The following SORCS3 variants were observed in gnomAD, a reference collection of about 807,000 sequenced individuals.
SORCS3 encodes VPS10 domain-containing receptor SorCS3.
Under a neutral mutation model 146.3 loss-of-function variants are expected in SORCS3, and 57 were observed. That is an observed-to-expected ratio of 0.39 (90% CI 0.31 to 0.49). The LOEUF (loss-of-function observed/expected upper bound fraction) is 0.49. Among genes scored for constraint, SORCS3 ranks in the 20% least tolerant of loss-of-function variants. The probability of loss-of-function intolerance (pLI) is 0.92; values close to 1 mark genes in which losing one functional copy is unlikely to be tolerated. For missense variants in SORCS3, 1,341 were observed against 1,575.5 expected, an observed-to-expected ratio of 0.85 and a Z score of 2.52; for synonymous variants, 653 against 618.5, an observed-to-expected ratio of 1.06 and a Z score of -0.83.
At chr10:105,050,032 T>TAC (rs1336738558) in intron 5 of SORCS3, among the ~76,000 whole-genome samples, 1 of 135,406 alleles carries the variant, frequency 7.4e-6, no homozygotes, top group Non-Finnish European at 1.6e-5. Flanking sequence ...TGTATATATA[T>TAC]ACATACACAC....
At chr10:104,806,825 C>T (rs2017684026) in intron 1 of SORCS3, among the ~76,000 whole-genome samples, 1 of 152,110 alleles carries the variant, frequency 6.6e-6, no homozygotes, top group Non-Finnish European at 1.5e-5. Context: ...TTATGGGTGA[C>T]CTTTTCTTTC....
At chr10:104,813,465 C>CTCAGT (rs1296133505) in intron 1 of SORCS3, among the ~76,000 whole-genome samples, 1 of 152,160 alleles carries the variant, frequency 6.6e-6, no homozygotes, top group East Asian at 1.9e-4. Context: ...AATCTACATA[C>CTCAGT]TCAGTTCAGT....
chr10:104,991,551 G>A lies in SORCS3; in HGVS notation c.954+14058G>A, dbSNP rs1220173669. On this transcript the variant is annotated intron_variant, in intron 4 of 26. Coordinates refer to ENST00000369701, the MANE Select transcript of SORCS3 (RefSeq NM_014978.3). ...GAGTCTTGCTCTGTTGCCCAGGCTGGAGTGCAGTGGTGCGATCTTGGCTCA... is the reference window on the plus strand; with the variant it reads ...GAGTCTTGCTCTGTTGCCCAGGCTGAAGTGCAGTGGTGCGATCTTGGCTCA... 5.3e-5 allele frequency among the ~76,000 whole-genome samples: 8 copies of A among 150,382 alleles called. No individual in the cohort carries two copies. In the East Asian group the frequency reaches 1.6e-3, roughly 30 times the overall value.
intron 3 of SORCS3, among the ~76,000 whole-genome samples, chr10:104,947,145 C>T (rs956017186): frequency 1.3e-5 from 2 of 152,182 alleles, no homozygotes; most frequent in African/African-American, 2.4e-5. Flanking sequence ...ACTGCTCCAT[C>T]AATTTTTCTT....
chr10:105,110,068 C>G (rs748142780), intron 7 of SORCS3, among the ~76,000 whole-genome samples: 35 of 152,060 alleles, frequency 2.3e-4, no homozygotes, highest in Non-Finnish European at 4.1e-4. Context: ...TCTCCCATCC[C>G]AACCCTTTTT....
intron 14 of SORCS3, among the ~76,000 whole-genome samples, chr10:105,187,655 C>G (rs903360726): frequency 6.6e-6 from 1 of 152,154 alleles, no homozygotes; most frequent in Non-Finnish European, 1.5e-5. Context: ...GGGAGCCAGG[C>G]CTTTCAGAGA....
chr10:105,255,519 C>T lies in SORCS3; in HGVS notation c.3238-183C>T, dbSNP rs561778163. 4.6e-5 allele frequency among the ~76,000 whole-genome samples: 7 copies of T among 152,296 alleles called. No individual in the cohort carries two copies. The South Asian group carries it at 8.3e-4, about 18-fold the overall frequency. On this transcript the variant is annotated intron_variant, in intron 23 of 26. Coordinates refer to ENST00000369701, the MANE Select transcript of SORCS3 (RefSeq NM_014978.3). Reference sequence around the variant, plus strand: ...CTGTATAGTTCAAGGGTCAACTGTACTTCCTTGGTTTCACAAGGCCCCAAG... The same window carrying T: ...CTGTATAGTTCAAGGGTCAACTGTATTTCCTTGGTTTCACAAGGCCCCAAG...
chr10:104,686,730 G>T (rs1026468195), intron 1 of SORCS3, among the ~76,000 whole-genome samples: 1 of 152,182 alleles, frequency 6.6e-6, no homozygotes. Flanking sequence ...TGCACATGAT[G>T]GAAAAGATCC....
chr10:105,233,558 C>T (rs752325400), intron 20 of SORCS3, among the ~76,000 whole-genome samples: 13 of 152,058 alleles, frequency 8.5e-5, no homozygotes, highest in Non-Finnish European at 1.5e-4. Context: ...GCTCCCTTAG[C>T]CCCCCACCCC....
chr10:104,831,639 T>C (rs2018002177), intron 1 of SORCS3, among the ~76,000 whole-genome samples: 1 of 151,678 alleles, frequency 6.6e-6, no homozygotes, highest in African/African-American at 2.4e-5. Flanking sequence ...GGGAAAGGAG[T>C]TTATGAGACG....
At chr10:104,877,225 C>T (rs1008959406) in intron 2 of SORCS3, among the ~76,000 whole-genome samples, 1 of 152,112 alleles carries the variant, frequency 6.6e-6, no homozygotes, top group African/African-American at 2.4e-5. Context: ...AGTCCAGTCA[C>T]CATTATCCAG....
intron 22 of SORCS3, among the ~76,000 whole-genome samples, chr10:105,251,926 A>G (rs1399634324): frequency 6.6e-6 from 1 of 152,214 alleles, no homozygotes; most frequent in Non-Finnish European, 1.5e-5. Flanking sequence ...AACCAAAGAA[A>G]TGTAAGGAAA....
At chr10:105,054,687 G>A (rs2055435051) in intron 5 of SORCS3, among the ~76,000 whole-genome samples, 1 of 151,858 alleles carries the variant, frequency 6.6e-6, no homozygotes, top group Non-Finnish European at 1.5e-5. Context: ...CTGGTCAGAG[G>A]TTAGGAGCCC....
chr10:104,960,787 C>T (rs2054791288), intron 3 of SORCS3, among the ~76,000 whole-genome samples: 1 of 152,074 alleles, frequency 6.6e-6, no homozygotes, highest in East Asian at 1.9e-4. Flanking sequence ...TTTGAGGCTT[C>T]CTATAGGAAG....
At position 105,036,936 on chromosome 10, in the gene SORCS3, T is replaced by C. The variant is rs1193141246; in HGVS notation, c.955-6119T>C. On this transcript the variant is annotated intron_variant, in intron 4 of 26. Transcript: ENST00000369701. ...AGTAAAGAATCAGCACAGTTATACATTAAGTTTAACTTTCCTATGAGGAAA... is the reference window on the plus strand; with the variant it reads ...AGTAAAGAATCAGCACAGTTATACACTAAGTTTAACTTTCCTATGAGGAAA... 4.6e-5 allele frequency among the ~76,000 whole-genome samples: 7 copies of C among 152,240 alleles called. No homozygotes were observed. In the South Asian group the frequency reaches 1.5e-3, roughly 32 times the overall value.
chr10:105,009,527 CAAAAAAAAAAA>C (rs35368294), intron 4 of SORCS3, among the ~76,000 whole-genome samples: 1 of 105,152 alleles, frequency 9.5e-6, no homozygotes, highest in Admixed American at 1.1e-4. Context: ...AACAAACAAA[CAAAAAAAAAAA>C]AAAAAAAAAA....
At chr10:104,910,850 G>A (rs926374878) in intron 2 of SORCS3, among the ~76,000 whole-genome samples, 5 of 152,246 alleles carry the variant, frequency 3.3e-5, no homozygotes, top group Admixed American at 2.6e-4. Flanking sequence ...GACCTCATGC[G>A]CCACCTTCCA....
chr10:104,844,716 CA>C (rs1334883303), intron 2 of SORCS3, among the ~76,000 whole-genome samples: 3 of 152,164 alleles, frequency 2.0e-5, no homozygotes, highest in Non-Finnish European at 2.9e-5. Context: ...TGGCTTAAAG[CA>C]ACAGAAATGT....
At chr10:105,229,070 G>C (rs2056752146) in intron 20 of SORCS3, among the ~76,000 whole-genome samples, 1 of 151,938 alleles carries the variant, frequency 6.6e-6, no homozygotes, top group Admixed American at 6.6e-5. Context: ...ATTTTTGTTT[G>C]AGTGGGTTAT....
Sources: allele counts gnomAD v4.1 joint callset (sites outside exome capture counted in the v4.1 genomes callset), GRCh38; gene constraint gnomAD v4.1.1; transcripts MANE v1.5; gene names NCBI Gene and HGNC (gene_info 2026-07-23, HGNC 2026-07-21).